The following BIRC6 variants were observed in gnomAD, a reference collection of about 807,000 sequenced individuals.
The protein encoded by BIRC6 is baculoviral IAP repeat containing 6.
BIRC6 carries 98 observed loss-of-function variants against 503.3 expected under a neutral mutation model. The ratio of observed to expected loss-of-function variants is 0.19; its 90% CI spans 0.17 to 0.23. The LOEUF is 0.23. Ranked by LOEUF, BIRC6 falls within the 10% of genes least tolerant of loss-of-function variation. The pLI is 1.00. For missense variants in BIRC6, 5,360 were observed against 5,806.0 expected, an observed-to-expected ratio of 0.92 and a Z score of 2.50; for synonymous variants, 2,240 against 2,078.7, an observed-to-expected ratio of 1.08 and a Z score of -2.11.
chr2:32,379,396 A>C (rs896119306), intron 2 of BIRC6: 1 of 152,256 alleles, frequency 6.6e-6, no homozygotes, highest in African/African-American at 2.4e-5. Flanking sequence ...TTAAAGAATT[A>C]CAATAAAATA....
At chr2:32,547,763 T>G in intron 63 of BIRC6, 87 bp from the exon 64 acceptor site, 1 of 1,218,560 alleles carries the variant, frequency 8.2e-7, no homozygotes, top group Non-Finnish European at 1.1e-6. Flanking sequence ...CCATAGTAGC[T>G]TCATCATTTT....
In BIRC6 at chr2:32,472,129, C is replaced by T. The variant is rs567484302; in HGVS notation, c.6593-983C>T. The stretch of plus-strand genomic sequence containing the variant: ...TGGCCCAGGTTGAAGTGCAGTGGCA[C>T]GATCTCAGCTCACTGCAACCACCAC... On this transcript the variant is annotated intron_variant, in intron 32 of 73. Coordinates refer to ENST00000421745, the MANE Select transcript of BIRC6 (RefSeq NM_016252.4). Among the ~76,000 whole-genome samples, 9 of 152,182 alleles carry T rather than the reference C, an allele frequency of 5.9e-5. No individual in the cohort carries two copies. The South Asian group carries it at 1.4e-3, about 24-fold the overall frequency.
chr2:32,610,333 T>C (rs536349974), intron 72 of BIRC6, among the ~76,000 whole-genome samples: 28 of 152,342 alleles, frequency 1.8e-4, no homozygotes, highest in South Asian at 8.3e-4. Context: ...TACTACTATA[T>C]GTTGGTAGAA....
Position 32,468,475 on chromosome 2 carries a change from A to C in BIRC6, c.5819A>C (p.Gln1940Pro), listed in dbSNP as rs1196917391. The C allele has an allele frequency of 6.3e-7, 1 of 1,594,444 alleles. No homozygotes were observed. Among genetic ancestry groups the C allele is most frequent in the Non-Finnish European group, 8.6e-7 (1 of 1,169,470 alleles). ...LACHRLETLL[Q>P]SIDLPPLNSA... ...TGTCATCGTCTGGAAACCCTTTTGC[A>C]AAGTATTGATCTTCCTCCTCTAAAC... Residue 1940 changes from glutamine (Q) to proline (P), a missense_variant, in exon 29 of 74, where the codon CAA becomes CCA. Physicochemically the swap from Gln to Pro is moderately conservative, Grantham distance 76 (BLOSUM62 -1). Coordinates refer to ENST00000421745, the MANE Select transcript of BIRC6 (RefSeq NM_016252.4).
intron 40 of BIRC6, among the ~76,000 whole-genome samples, chr2:32,486,160 T>C (rs558016291): frequency 6.6e-6 from 1 of 152,300 alleles, no homozygotes; most frequent in African/African-American, 2.4e-5. Flanking sequence ...ATAGAGAATA[T>C]AGTGTAGGAT....
chr2:32,502,668 T>A, intron 47 of BIRC6, 127 bp from the exon 48 acceptor site: 1 of 613,740 alleles, frequency 1.6e-6, no homozygotes, highest in Non-Finnish European at 2.6e-6. Flanking sequence ...TGGCAGACAT[T>A]TTGTATTTAG....
intron 21 of BIRC6, among the ~76,000 whole-genome samples, chr2:32,447,246 C>T: frequency 6.8e-6 from 1 of 147,754 alleles, no homozygotes; most frequent in Middle Eastern, 3.6e-3. Flanking sequence ...TCATCATGGC[C>T]CATCCCCAAT....
Position 32,515,340 on chromosome 2 carries a change from C to G in BIRC6, c.10919C>G (p.Ala3640Gly), listed in dbSNP as rs1031691078. ...CCTTCTCTTCTTGTGAGGAGTCTGG[C>G]TAGTTTCTGCTTTAGCCACATTTCT... is the stretch of plus-strand genomic sequence containing the variant. ...GLPSLLVRSL[A>G]SFCFSHISSS... Residue 3640 changes from alanine to glycine, a missense_variant, in exon 55 of 74, where the codon GCT (alanine) becomes GGT (glycine). Coordinates refer to ENST00000421745, the MANE Select transcript of BIRC6 (RefSeq NM_016252.4). The G allele has an allele frequency of 6.2e-6, 10 of 1,613,676 alleles. No homozygotes were observed. The African/African-American group carries it at 8.0e-5, about 13-fold the overall frequency.
Position 32,445,573 on chromosome 2 carries a change from G to T in BIRC6, c.4389G>T (p.Leu1463=). 1.9e-6 allele frequency: 3 copies of T among 1,604,992 alleles called. No individual in the cohort carries two copies. Among genetic ancestry groups the T allele is most frequent in the Non-Finnish European group, 2.6e-6 (3 of 1,175,324 alleles). The change falls in exon 21 of 74, where the codon CTG becomes CTT. Residue 1463 remains leucine (L), a synonymous_variant. Transcript: ENST00000421745. ...TGAATTATGTGAAAGATGAAGATCT[G>T]GCTGGATGCAGTACAGCTTGTGCAT... ...VLLNYVKDED[L]AGCSTACASL...
Position 32,503,235 on chromosome 2 carries a change from C to T in BIRC6, c.9498C>T (p.Leu3166=), listed in dbSNP as rs769382755. ...AAGGGATTCATAACTTTGCACCCCT[C>T]GGTAAGAAAAGTGTTACTAAATCTT... ...NAEGIHNFAP[L]GTITSSSPTA... The change falls in exon 49 of 74, where the codon CTC becomes CTT. Residue 3166 remains leucine, a splice_region_variant and synonymous_variant. Coordinates refer to ENST00000421745, the MANE Select transcript of BIRC6 (RefSeq NM_016252.4). 2.5e-5 allele frequency: 40 copies of T among 1,595,310 alleles called. No individual in the cohort carries two copies. Among genetic ancestry groups the T allele is most frequent in the East Asian group, 4.5e-5 (2 of 44,694 alleles).
At position 32,465,110 on chromosome 2, in the gene BIRC6, C is replaced by T; in HGVS notation, c.5302C>T (p.His1768Tyr). Residue 1768 changes from histidine to tyrosine, a missense_variant, in exon 26 of 74, where the codon CAT (histidine) becomes TAT (tyrosine). Around this residue, in one of 16 missense-constraint regions of BIRC6, gnomAD observed 2,299 missense variants for 2,267.2 expected, o/e 1.01. Coordinates refer to ENST00000421745, the MANE Select transcript of BIRC6 (RefSeq NM_016252.4). ...AGCCCTTGCAATTTCTCATGCTTCA[C>T]ATTTTCTTCAACCTCCGCCTCACCA... ...GLALAISHAS[H>Y]FLQPPPHQSI... 1 of 1,607,824 alleles carries T rather than the reference C, an allele frequency of 6.2e-7. No individual in the cohort carries two copies. The highest frequency in any genetic ancestry group is 2.2e-5 in the East Asian group (1 of 44,624).
At chr2:32,408,061 G>A (rs1244834208) in intron 9 of BIRC6, among the ~76,000 whole-genome samples, 2 of 151,784 alleles carry the variant, frequency 1.3e-5, no homozygotes, top group African/African-American at 2.4e-5. Context: ...TCCGCCTCCC[G>A]AGTTCAAGGG....
rs188808706 is a variant in BIRC6, at chr2:32,567,250, G to A, written c.13145-7906G>A. On this transcript the variant is annotated intron_variant, in intron 65 of 73. Transcript: ENST00000421745. Reference sequence around the variant, plus strand: ...CTCCCACACTGCTGGGATTACAGGCGTGAGCCACCACACCTGGTCTACCCA... The same window carrying A: ...CTCCCACACTGCTGGGATTACAGGCATGAGCCACCACACCTGGTCTACCCA... Among the ~76,000 whole-genome samples the A allele has an allele frequency of 1.1e-4, 16 of 152,326 alleles. No individual in the cohort carries two copies. In the East Asian group the frequency reaches 2.7e-3, roughly 26 times the overall value.
At position 32,505,005 on chromosome 2, in the gene BIRC6, G is replaced by C; in HGVS notation, c.9500G>C (p.Gly3167Ala). 3 of 1,611,886 alleles carry C rather than the reference G, an allele frequency of 1.9e-6. No individual in the cohort carries two copies. Among genetic ancestry groups the C allele is most frequent in the South Asian group, 2.2e-5 (2 of 90,762 alleles). ...AEGIHNFAPLGTITSSSPTAQ... is the reference protein window; with the variant it reads ...AEGIHNFAPLATITSSSPTAQ... ...AATTTATGTAAAATATCTTCTCTAGGTACAATCACATCTAGCAGTCCTACT... is the reference window on the plus strand; with the variant it reads ...AATTTATGTAAAATATCTTCTCTAGCTACAATCACATCTAGCAGTCCTACT... Residue 3167 changes from glycine to alanine, a missense_variant and splice_region_variant, in exon 50 of 74, where the codon GGT becomes GCT. This residue lies in a region of BIRC6 where 267 missense variants were observed against 287.6 expected (regional missense o/e 0.93). Coordinates refer to ENST00000421745, the MANE Select transcript of BIRC6 (RefSeq NM_016252.4).
Position 32,461,053 on chromosome 2 carries a change from T to C in BIRC6, c.4754-2141T>C, listed in dbSNP as rs796864015. 5.6e-3 allele frequency among the ~76,000 whole-genome samples: 329 copies of C among 58,304 alleles called. 13 individuals carry two copies. Among genetic ancestry groups the C allele is most frequent in the Non-Finnish European group, 8.9e-3 (209 of 23,424 alleles). The allele number at this position is 58,304 out of a possible 152,430, so 38.2% of individuals were successfully genotyped here. On this transcript the variant is annotated intron_variant, in intron 23 of 73. Coordinates refer to ENST00000421745, the MANE Select transcript of BIRC6 (RefSeq NM_016252.4). The stretch of plus-strand genomic sequence containing the variant: ...TTCTCTTCTCTTCTCTTCTCTTCTC[T>C]TCTCTTCTCTTCTGTTCTCCTCTCC...
chr2:32,513,237 G>A, intron 54 of BIRC6, 83 bp downstream of exon 54: 5 of 945,944 alleles, frequency 5.3e-6, no homozygotes, highest in Non-Finnish European at 8.0e-6. Flanking sequence ...TATTTTACAT[G>A]TTTATTAGGA....
In BIRC6 at chr2:32,508,262, A is replaced by C. The variant is rs781307443; in HGVS notation, c.9980+3A>C. 3 of 590,000 alleles carry C rather than the reference A, an allele frequency of 5.1e-6. No homozygotes were observed. The highest frequency in any genetic ancestry group is 2.8e-5 in the South Asian group (1 of 35,848). 36.5% of individuals were successfully genotyped at this position (590,000 alleles called of 1,614,324 possible). On this transcript the variant is annotated splice_donor_region_variant and intron_variant, in intron 51 of 73. Coordinates refer to ENST00000421745, the MANE Select transcript of BIRC6 (RefSeq NM_016252.4). ...GAAGATCAGGTATCCAAAACAAGGT[A>C]TGTTTTGTTTGTCCTTTTTTTTTTT...
chr2:32,370,061 TACACACAC>T (rs71820292), intron 1 of BIRC6, among the ~76,000 whole-genome samples: 2 of 140,956 alleles, frequency 1.4e-5, no homozygotes, highest in South Asian at 2.2e-4. Context: ...TGTGTATGTA[TACACACAC>T]ACACACACAC....
At chr2:32,380,111 T>G (rs1194760999) in intron 2 of BIRC6, 42 bp from the exon 3 acceptor site, 2 of 1,372,960 alleles carry the variant, frequency 1.5e-6, no homozygotes, top group South Asian at 3.2e-5. Flanking sequence ...TGTTCTTGTG[T>G]TGAATTTTCT....
Sources: allele counts gnomAD v4.1 joint callset (sites outside exome capture counted in the v4.1 genomes callset), GRCh38; gene constraint gnomAD v4.1.1; regional missense constraint gnomAD v4.1.1; transcripts MANE v1.5; gene names NCBI Gene and HGNC (gene_info 2026-07-23, HGNC 2026-07-21).